PRKDC: variants seen among roughly 807,000 people sequenced by gnomAD.
PRKDC encodes protein kinase, DNA-activated, catalytic subunit.
In PRKDC, 82 loss-of-function variants were observed where a neutral mutation model predicts 486.9. The ratio of observed to expected loss-of-function variants is 0.17; its 90% confidence interval spans 0.14 to 0.20. PRKDC has a LOEUF of 0.20. Among genes scored for constraint, PRKDC ranks in the 10% least tolerant of loss-of-function variants. PRKDC has a pLI of 1.00. For missense variants in PRKDC, 4,504 were observed against 5,038.2 expected (o/e 0.89, Z 3.21); for synonymous variants, 1,895 against 1,837.0 (o/e 1.03, Z -0.81).
At chr8:47,938,563 T>G (rs1030421456) in intron 11 of PRKDC, among the ~76,000 whole-genome samples, 1 of 152,094 alleles carries the variant, frequency 6.6e-6, no homozygotes, top group African/African-American at 2.4e-5. Context: ...CAATATTTTT[T>G]CTTTAAAAAA....
intron 60 of PRKDC, 30 bp from the exon 61 acceptor site, chr8:47,830,766 G>A (rs2087848060): frequency 6.2e-7 from 1 of 1,613,572 alleles, no homozygotes; most frequent in Middle Eastern, 1.6e-4. Flanking sequence ...AGAAGAAGAT[G>A]AGCATTCTCA....
At chr8:47,778,890 A>C in intron 81 of PRKDC, 91 bp from the exon 82 acceptor site, 1 of 1,459,664 alleles carries the variant, frequency 6.9e-7, no homozygotes, top group Non-Finnish European at 9.3e-7. Context: ...TTGAGACTCA[A>C]ATATCGAATA....
chr8:47,950,862 G>T (rs2090615731), intron 7 of PRKDC, among the ~76,000 whole-genome samples: 1 of 151,854 alleles, frequency 6.6e-6, no homozygotes, highest in African/African-American at 2.4e-5. Flanking sequence ...TATAGTCTCA[G>T]CTATTTTTGA....
chr8:47,916,155 A>G (rs1303830605), intron 22 of PRKDC, among the ~76,000 whole-genome samples: 1 of 152,168 alleles, frequency 6.6e-6, no homozygotes, highest in Non-Finnish European at 1.5e-5. Context: ...ATCTTATTAG[A>G]AAAAAATCTT....
At chr8:47,864,987 AAAG>A (rs1391064435) in intron 40 of PRKDC, among the ~76,000 whole-genome samples, 1 of 152,260 alleles carries the variant, frequency 6.6e-6, no homozygotes, top group African/African-American at 2.4e-5. Flanking sequence ...TGGGCATTAA[AAAG>A]AAGAATGTTT....
At chr8:47,894,367 T>C (rs2089531932) in intron 30 of PRKDC, among the ~76,000 whole-genome samples, 1 of 152,110 alleles carries the variant, frequency 6.6e-6, no homozygotes, top group South Asian at 2.1e-4. Flanking sequence ...CAAAGAAATG[T>C]ATAATAATGA....
At chr8:47,777,047 G>T in intron 84 of PRKDC, 64 bp from the exon 85 acceptor site, 3 of 1,526,118 alleles carry the variant, frequency 2.0e-6, no homozygotes, top group Non-Finnish European at 1.8e-6. Flanking sequence ...TGCCCAAACA[G>T]ATTAAATCTA....
chr8:47,937,130 G>A (rs1375621062), intron 11 of PRKDC, among the ~76,000 whole-genome samples: 4 of 149,852 alleles, frequency 2.7e-5, no homozygotes, highest in Admixed American at 1.3e-4. Context: ...GCATGGTGGC[G>A]CACAACTGTA....
chr8:47,860,501 C>A (rs1291782777), intron 45 of PRKDC, among the ~76,000 whole-genome samples: 2 of 152,128 alleles, frequency 1.3e-5, no homozygotes, highest in Admixed American at 6.5e-5. Context: ...AGATGGGAAC[C>A]CACAGTGAGG....
chr8:47,919,723 G>GTTTTTTTTTTTTTTTTT (rs200600818), intron 21 of PRKDC, among the ~76,000 whole-genome samples: 1 of 127,050 alleles, frequency 7.9e-6, no homozygotes, highest in African/African-American at 2.9e-5. Context: ...GTTTTTAGTG[G>GTTTTTTTTTTTTTTTTT]TTTTTTTTTT....
At chr8:47,787,200 C>T (rs544173918) in intron 76 of PRKDC, among the ~76,000 whole-genome samples, 4 of 152,216 alleles carry the variant, frequency 2.6e-5, no homozygotes, top group Non-Finnish European at 5.9e-5. Context: ...CAAGATTTAC[C>T]TGATCATCTC....
Position 47,889,004 on chromosome 8 carries a change from A to C in PRKDC, c.4280+10T>G. The C allele has an allele frequency of 6.2e-7, 1 of 1,611,540 alleles. No homozygotes were observed. The highest frequency in any genetic ancestry group is 8.5e-7 in the Non-Finnish European group (1 of 1,177,860). ...GACAACATGTCCCCGATTGTGACCC[A>C]AGTACCCACCTCTGTGCTGTTATTT... On this transcript the variant is annotated intron_variant, in intron 33 of 85. Coordinates refer to ENST00000314191, the MANE Select transcript of PRKDC (RefSeq NM_006904.7).
intron 1 of PRKDC, 143 bp from the exon 2 acceptor site, chr8:47,957,574 G>A (rs536767978): frequency 3.2e-5 from 21 of 648,216 alleles, no homozygotes; most frequent in Middle Eastern, 4.4e-4. Flanking sequence ...GCAGCGGCGC[G>A]ATCTCGGCTC....
intron 61 of PRKDC, among the ~76,000 whole-genome samples, chr8:47,828,623 C>T (rs1323738710): frequency 6.6e-6 from 1 of 152,146 alleles, no homozygotes; most frequent in East Asian, 1.9e-4. Context: ...TAGCTTCTCT[C>T]CTGAGTTAAG....
Position 47,938,418 on chromosome 8 carries a change from TA to T in PRKDC, c.1113+1132del, listed in dbSNP as rs761353861. Reference sequence around the variant, plus strand: ...AAAAGCGAAACTCCAACTCAAAAATTAAAAAAAAAAAAGAAAGAAAAAAAGA... The same window carrying T: ...AAAAGCGAAACTCCAACTCAAAAATTAAAAAAAAAAAGAAAGAAAAAAAGA... On this transcript the variant is annotated intron_variant, in intron 11 of 85. Coordinates refer to ENST00000314191, the MANE Select transcript of PRKDC (RefSeq NM_006904.7). Among the ~76,000 whole-genome samples the T allele has an allele frequency of 6.9e-3, 712 of 103,732 alleles. 5 individuals are homozygous for T. The highest frequency in any genetic ancestry group is 0.033 in the South Asian group (112 of 3,392). The allele number at this position is 103,732 out of a possible 152,430, so 68.1% of individuals were successfully genotyped here.
intron 28 of PRKDC, among the ~76,000 whole-genome samples, chr8:47,899,579 G>A (rs1201655869): frequency 4.6e-5 from 7 of 152,176 alleles, no homozygotes; most frequent in Non-Finnish European, 1.0e-4. Flanking sequence ...GGAGGCGGAG[G>A]TTGCAGTGAG....
chr8:47,918,983 A>C (rs1589792326), intron 21 of PRKDC, among the ~76,000 whole-genome samples: 1 of 152,238 alleles, frequency 6.6e-6, no homozygotes, highest in Non-Finnish European at 1.5e-5. Context: ...AAGCAATCAT[A>C]AACTTACAGA....
At chr8:47,930,915 C>T (rs2090239905) in intron 16 of PRKDC, 128 bp from the exon 17 acceptor site, 2 of 845,548 alleles carry the variant, frequency 2.4e-6, no homozygotes, top group Non-Finnish European at 3.6e-6. Context: ...GCGAGAAAGA[C>T]CAAGATGGGT....
At chr8:47,912,290 A>C (rs930719795) in intron 25 of PRKDC, 120 bp downstream of exon 25, 1 of 1,134,610 alleles carries the variant, frequency 8.8e-7, no homozygotes, top group Non-Finnish European at 1.2e-6. Context: ...CTGGGGTAGC[A>C]GTCAGGGAGC....
Sources: allele counts gnomAD v4.1 joint callset (sites outside exome capture counted in the v4.1 genomes callset), GRCh38; gene constraint gnomAD v4.1.1; transcripts MANE v1.5; gene names NCBI Gene and HGNC (gene_info 2026-07-23, HGNC 2026-07-21).